ANKK1: variants seen among roughly 807,000 people sequenced by gnomAD.
ANKK1 encodes the protein ankyrin repeat and kinase domain containing 1, also known as ankyrin repeat and protein kinase domain-containing protein 1.
ANKK1 carries 37 observed loss-of-function variants against 37.6 expected under a neutral mutation model. That is an observed-to-expected ratio of 0.98 (90% CI 0.76 to 1.29). The LOEUF (loss-of-function observed/expected upper bound fraction) is 1.29. Ranked by LOEUF, ANKK1 falls within the 50% of genes most tolerant of loss-of-function variation. ANKK1 has a pLI of 0.00. For missense variants in ANKK1, 1,019 were observed against 990.6 expected (o/e 1.03, Z -0.39); for synonymous variants, 415 against 418.7 (o/e 0.99, Z 0.11).
chr11:113,398,125 C>A, intron 7 of ANKK1, 109 bp downstream of exon 7: 1 of 1,316,248 alleles, frequency 7.6e-7, no homozygotes, highest in Non-Finnish European at 1.1e-6. Context: ...CCAGGCCTAT[C>A]ACACATCCAG....
chr11:113,399,616 T>TGGAGC lies in ANKK1; in HGVS notation c.1650_1654dup (p.Val552GlufsTer25). 6.2e-7 allele frequency: 1 copy of TGGAGC among 1,606,580 alleles called. No individual in the cohort carries two copies. The highest frequency in any genetic ancestry group is 8.5e-7 in the Non-Finnish European group (1 of 1,176,754). On this transcript the variant is annotated frameshift_variant, in exon 8 of 8. Transcript: ENST00000303941. LOFTEE classifies it low-confidence loss of function (END_TRUNC). ...GGGCCATCCAACACCTGCTGAAGAG[T>TGGAGC]GGAGCGGTCCCTGATGCCCTTGACC...
At chr11:113,390,713 C>T (rs1255737677) in intron 1 of ANKK1, among the ~76,000 whole-genome samples, 1 of 116,514 alleles carries the variant, frequency 8.6e-6, no homozygotes, top group African/African-American at 3.4e-5. Context: ...CCAGCCTGGG[C>T]AACAAAAGTG....
At chr11:113,390,523 G>A (rs1270504860) in intron 1 of ANKK1, among the ~76,000 whole-genome samples, 3 of 152,204 alleles carry the variant, frequency 2.0e-5, no homozygotes, top group African/African-American at 7.2e-5. Context: ...TGGATCACCT[G>A]AGGTCAGGCA....
intron 1 of ANKK1, among the ~76,000 whole-genome samples, chr11:113,391,530 C>T (rs1317970367): frequency 1.3e-5 from 2 of 151,916 alleles, no homozygotes; most frequent in African/African-American, 4.8e-5. Flanking sequence ...TGTTGCTCGA[C>T]AGTATTTTGA....
At position 113,399,065 on chromosome 11, in the gene ANKK1, C is replaced by G; in HGVS notation, c.1096C>G (p.Leu366Val). 1 of 1,603,150 alleles carries G rather than the reference C, an allele frequency of 6.2e-7. No individual in the cohort carries two copies. Among genetic ancestry groups the G allele is most frequent in the Non-Finnish European group, 8.5e-7 (1 of 1,174,884 alleles). Residue 366 changes from leucine (L) to valine (V), a missense_variant, in exon 8 of 8, where the codon CTC (leucine) becomes GTC (valine). Leu to Val is a conservative substitution (Grantham distance 32, BLOSUM62 1). Transcript: ENST00000303941. ...LCIYENKVTP[L>V]HFLVAQGSVE... Reference sequence around the variant, plus strand: ...TATCTATGAGAACAAGGTCACCCCCCTCCACTTCCTGGTGGCCCAGGGCAG... The same window carrying G: ...TATCTATGAGAACAAGGTCACCCCCGTCCACTTCCTGGTGGCCCAGGGCAG...
Position 113,400,276 on chromosome 11 carries a change from G to A in ANKK1, c.*9G>A, listed in dbSNP as rs1435469070. 6 of 1,531,714 alleles carry A rather than the reference G, an allele frequency of 3.9e-6. No homozygotes were observed. The African/African-American group carries it at 5.5e-5, about 14-fold the overall frequency. 94.9% of individuals were successfully genotyped at this position (1,531,714 alleles called of 1,614,324 possible). A position where few individuals can be genotyped will look rare whatever the true frequency, so the allele number is the denominator to read the frequency against. On this transcript the variant is annotated 3_prime_UTR_variant, in exon 8 of 8. Coordinates refer to ENST00000303941, the MANE Select transcript of ANKK1 (RefSeq NM_178510.2). Reference sequence around the variant, plus strand: ...CCGAGATGGAAATTTAGACAACTTGGCCAGCCGTGGTGGCTCACGTCTGTA... The same window carrying A: ...CCGAGATGGAAATTTAGACAACTTGACCAGCCGTGGTGGCTCACGTCTGTA...
At chr11:113,392,951 A>G (rs1045275340) in intron 1 of ANKK1, among the ~76,000 whole-genome samples, 6 of 152,246 alleles carry the variant, frequency 3.9e-5, no homozygotes, top group African/African-American at 1.4e-4. Flanking sequence ...TTGAAGGTGG[A>G]TAGTAAAAGG....
chr11:113,396,748 C>A (rs1950642187), intron 5 of ANKK1, among the ~76,000 whole-genome samples: 1 of 152,126 alleles, frequency 6.6e-6, no homozygotes, highest in Non-Finnish European at 1.5e-5. Context: ...TAATGCATGT[C>A]CCTGTGGGAG....
intron 3 of ANKK1, 94 bp from the exon 4 acceptor site, chr11:113,395,265 G>A (rs1372632140): frequency 3.9e-6 from 6 of 1,539,988 alleles, no homozygotes; most frequent in East Asian, 4.6e-5. Flanking sequence ...GCCTGGGACT[G>A]TGTGAACTGT....
At position 113,399,455 on chromosome 11, in the gene ANKK1, A is replaced by AC. The variant is rs200507206; in HGVS notation, c.1492dup (p.Leu498ProfsTer11). ...CAACCTGCATGAGGCTGAGGGCAAG[A>AC]CCCCCCTCCATGTGGCCGCCTACTT... is the stretch of plus-strand genomic sequence containing the variant. On this transcript the variant is annotated frameshift_variant, in exon 8 of 8. Transcript: ENST00000303941. LOFTEE classifies it low-confidence loss of function (END_TRUNC). 6.3e-6 allele frequency: 10 copies of AC among 1,593,858 alleles called. No individual in the cohort carries two copies. Among genetic ancestry groups the AC allele is most frequent in the Non-Finnish European group, 6.8e-6 (8 of 1,170,774 alleles).
chr11:113,391,456 A>C (rs1950586355), intron 1 of ANKK1, among the ~76,000 whole-genome samples: 1 of 152,152 alleles, frequency 6.6e-6, no homozygotes, highest in South Asian at 2.1e-4. Context: ...GGAGAAACAG[A>C]GTCCAATTAG....
Position 113,396,569 on chromosome 11 carries a change from G to A in ANKK1, c.838+347G>A, listed in dbSNP as rs117124358. On this transcript the variant is annotated intron_variant, in intron 5 of 7. Transcript: ENST00000303941. ...TATTCAGGCTGTTCTCAAACTCCTG[G>A]CCTCAAGTGATCCTCCAGCCTCATC... Among the ~76,000 whole-genome samples the A allele has an allele frequency of 5.1e-3, 768 of 152,026 alleles. 6 individuals carry two copies. The highest frequency in any genetic ancestry group is 0.026 in the East Asian group (136 of 5,152).
In ANKK1 at chr11:113,395,038, T is replaced by C; in HGVS notation, c.590T>C (p.Leu197Pro). ...MLSYIPPEMFLESNKAPGPKY... is the reference protein window; with the variant it reads ...MLSYIPPEMFPESNKAPGPKY... ...AGCTACATCCCCCCTGAGATGTTCCTGGAGAGTAACAAGGCCCCAGGACCT... is the reference window on the plus strand; with the variant it reads ...AGCTACATCCCCCCTGAGATGTTCCCGGAGAGTAACAAGGCCCCAGGACCT... The change falls in exon 3 of 8, where the codon CTG becomes CCG. Residue 197 changes from leucine to proline, a missense_variant. By Grantham distance (98) the Leu-to-Pro change is moderately conservative. Coordinates refer to ENST00000303941, the MANE Select transcript of ANKK1 (RefSeq NM_178510.2). The C allele has an allele frequency of 6.2e-7, 1 of 1,613,186 alleles. No homozygotes were observed. The highest frequency in any genetic ancestry group is 1.1e-5 in the South Asian group (1 of 90,804).
chr11:113,392,565 T>C (rs184252223), intron 1 of ANKK1, among the ~76,000 whole-genome samples: 2 of 152,336 alleles, frequency 1.3e-5, no homozygotes, highest in Middle Eastern at 3.4e-3. Flanking sequence ...CTCAAATATG[T>C]CATTTCTCCT....
intron 4 of ANKK1, 87 bp from the exon 5 acceptor site, chr11:113,395,980 T>TCA: frequency 6.7e-7 from 1 of 1,502,096 alleles, no homozygotes; most frequent in Non-Finnish European, 9.1e-7. Context: ...CATGCCCTGT[T>TCA]GGGATCCTCA....
At chr11:113,395,325 T>C in intron 3 of ANKK1, 34 bp from the exon 4 acceptor site, 1 of 1,613,390 alleles carries the variant, frequency 6.2e-7, no homozygotes. Context: ...GATGTTCAAC[T>C]AAGTCATTCA....
Position 113,400,103 on chromosome 11 carries a change from G to T in ANKK1, c.2134G>T (p.Val712Phe), listed in dbSNP as rs1266278322. 1.2e-6 allele frequency: 2 copies of T among 1,613,124 alleles called. No homozygotes were observed. The highest frequency in any genetic ancestry group is 1.7e-5 in the Admixed American group (1 of 59,982). Residue 712 changes from valine to phenylalanine, a missense_variant, in exon 8 of 8, where the codon GTC (valine) becomes TTC (phenylalanine). Physicochemically the swap from Val to Phe is conservative, Grantham distance 50. Coordinates refer to ENST00000303941, the MANE Select transcript of ANKK1 (RefSeq NM_178510.2). The part of the protein sequence containing the change: ...KGNTAILKVL[V>F]EAGAQLDVQD... ...CAACACAGCCATCCTCAAAGTGCTG[G>T]TCGAGGCAGGCGCCCAGCTGGACGT...
Position 113,399,337 on chromosome 11 carries a change from C to G in ANKK1, c.1368C>G (p.Ala456=). The G allele has an allele frequency of 6.2e-7, 1 of 1,600,218 alleles. No individual in the cohort carries two copies. The highest frequency in any genetic ancestry group is 8.5e-7 in the Non-Finnish European group (1 of 1,173,818). Residue 456 remains alanine (A), a synonymous_variant, in exon 8 of 8, where the codon GCC becomes GCG. Transcript: ENST00000303941. ...TGGACCACGGGGCCTGTGTGGATGC[C>G]CAGGAACGTGAAGGGTGGACCCCTC... is the stretch of plus-strand genomic sequence containing the variant. The part of the protein sequence containing the change: ...LLLDHGACVD[A]QEREGWTPLH...
At chr11:113,391,699 A>G (rs1950588871) in intron 1 of ANKK1, among the ~76,000 whole-genome samples, 1 of 152,158 alleles carries the variant, frequency 6.6e-6, no homozygotes, top group East Asian at 1.9e-4. Context: ...TCAGGGGAAA[A>G]TCAGGAGGTT....
Sources: gnomAD v4.1 joint callset for allele counts (sites outside exome capture counted in the v4.1 genomes callset) on GRCh38, gnomAD v4.1.1 for gene constraint, MANE v1.5 for transcripts, NCBI Gene and HGNC (gene_info 2026-07-23, HGNC 2026-07-21) for gene names.